The following CEP120 variants were observed in gnomAD, a reference collection of about 807,000 sequenced individuals.
CEP120 encodes the protein centrosomal protein of 120 kDa.
In CEP120, 113 loss-of-function variants were observed where a neutral mutation model predicts 126.5. The ratio of observed to expected loss-of-function variants is 0.89; its 90% CI spans 0.77 to 1.04. CEP120 has a LOEUF of 1.04. Among genes scored for constraint, CEP120 ranks in the 50% least tolerant of loss-of-function variants. CEP120 has a pLI of 0.00. For missense variants in CEP120, 1,230 were observed against 1,155.7 expected (o/e 1.06, Z -0.93); for synonymous variants, 400 against 394.3 (o/e 1.01, Z -0.17).
chr5:123,413,590 A>C (rs1262323326), intron 3 of CEP120, among the ~76,000 whole-genome samples: 1 of 152,064 alleles, frequency 6.6e-6, no homozygotes, highest in African/African-American at 2.4e-5. Flanking sequence ...TGGAAACAGC[A>C]TTTTTTACTC....
At chr5:123,392,445 C>T (rs972952589) in intron 6 of CEP120, among the ~76,000 whole-genome samples, 2 of 152,180 alleles carry the variant, frequency 1.3e-5, no homozygotes, top group African/African-American at 2.4e-5. Flanking sequence ...TACAACACCA[C>T]CCTATTTCAG....
At chr5:123,375,562 C>G (rs958370842) in intron 16 of CEP120, among the ~76,000 whole-genome samples, 8 of 144,926 alleles carry the variant, frequency 5.5e-5, no homozygotes, top group African/African-American at 2.0e-4. Context: ...GGCTCAAGCA[C>G]TCCTCCCACC....
chr5:123,348,244 GA>G (rs752148495), intron 19 of CEP120, among the ~76,000 whole-genome samples: 43 of 152,240 alleles, frequency 2.8e-4, no homozygotes, highest in Non-Finnish European at 5.0e-4. Context: ...AGTTCTCTCA[GA>G]ATCCTAATTT....
At chr5:123,382,694 A>G (rs1376799223) in intron 13 of CEP120, 43 bp downstream of exon 13, 1 of 1,559,932 alleles carries the variant, frequency 6.4e-7, no homozygotes, top group Non-Finnish European at 8.7e-7. Context: ...AAATATACAG[A>G]GCAGACAAAG....
At chr5:123,384,557 T>G (rs763053166) in intron 11 of CEP120, among the ~76,000 whole-genome samples, 3 of 152,102 alleles carry the variant, frequency 2.0e-5, no homozygotes, top group Non-Finnish European at 2.9e-5. Context: ...TAAAATATTT[T>G]AAGTGGAAAA....
intron 19 of CEP120, among the ~76,000 whole-genome samples, chr5:123,349,084 T>C (rs1394833386): frequency 6.6e-6 from 1 of 152,116 alleles, no homozygotes; most frequent in African/African-American, 2.4e-5. Flanking sequence ...CCAAAAAGAC[T>C]AGAATTCATT....
At chr5:123,354,012 A>G (rs555559316) in intron 18 of CEP120, among the ~76,000 whole-genome samples, 1 of 152,212 alleles carries the variant, frequency 6.6e-6, no homozygotes, top group African/African-American at 2.4e-5. Context: ...AGGAATATTT[A>G]GAGAGCAGAT....
In CEP120 at chr5:123,378,398, G is replaced by A. The variant is rs114280473; in HGVS notation, c.2134C>T (p.Leu712Phe). ...TCCAAGTCAATTAGAGTTTTTTGAA[G>A]TTTTCCTTCTAGAATAGTATATTCA... The part of the protein sequence containing the change: ...VAEYTILEGK[L>F]QKTLIDLEKR... The change falls in exon 15 of 20, where the codon CTT becomes TTT. Residue 712 changes from leucine (L) to phenylalanine (F), a missense_variant. By Grantham distance (22) the Leu-to-Phe change is conservative (BLOSUM62 0). Coordinates refer to ENST00000306467, the MANE Select transcript of CEP120 (RefSeq NM_001375405.1). 6,414 of 1,570,510 alleles carry A rather than the reference G, an allele frequency of 4.1e-3. 23 individuals are homozygous for A. The highest frequency in any genetic ancestry group is 4.4e-3 in the Non-Finnish European group (5,104 of 1,151,592).
At chr5:123,412,818 C>A (rs1774149333) in intron 3 of CEP120, among the ~76,000 whole-genome samples, 2 of 152,182 alleles carry the variant, frequency 1.3e-5, no homozygotes, top group Admixed American at 6.5e-5. Flanking sequence ...TAATATATTT[C>A]TTTCTACCTT....
chr5:123,413,639 A>C (rs1774208690), intron 3 of CEP120, among the ~76,000 whole-genome samples: 1 of 152,202 alleles, frequency 6.6e-6, no homozygotes, highest in African/African-American at 2.4e-5. Flanking sequence ...GATGGTGCTT[A>C]TATTGTCTTT....
chr5:123,390,207 T>G (rs1254399060), intron 7 of CEP120, 67 bp from the exon 8 acceptor site: 2 of 1,142,754 alleles, frequency 1.8e-6, no homozygotes, highest in Non-Finnish European at 2.5e-6. Flanking sequence ...GCAAAAAACT[T>G]GGCATTGTTT....
intron 4 of CEP120, chr5:123,401,444 A>C: frequency 7.5e-7 from 1 of 1,325,690 alleles, no homozygotes. Context: ...TGTGCACCGC[A>C]GGTTATCCCC....
intron 7 of CEP120, chr5:123,390,854 G>GT: frequency 2.9e-6 from 1 of 344,764 alleles, no homozygotes; most frequent in Non-Finnish European, 5.2e-6. Context: ...GGAGTTGGGG[G>GT]TGGGGGAGAC....
chr5:123,356,979 T>C (rs780920779), intron 18 of CEP120, among the ~76,000 whole-genome samples: 19 of 152,122 alleles, frequency 1.2e-4, no homozygotes, highest in Non-Finnish European at 2.6e-4. Context: ...TGCTTCAGAT[T>C]TGCCATGACA....
intron 4 of CEP120, among the ~76,000 whole-genome samples, chr5:123,405,720 C>T (rs1157958895): frequency 6.6e-6 from 1 of 152,156 alleles, no homozygotes; most frequent in Admixed American, 6.5e-5. Flanking sequence ...CCCTTCCTGA[C>T]TCCTGACCAC....
At chr5:123,395,593 A>C (rs1195966226) in intron 5 of CEP120, among the ~76,000 whole-genome samples, 2 of 152,088 alleles carry the variant, frequency 1.3e-5, no homozygotes, top group Admixed American at 1.3e-4. Flanking sequence ...ATGGAACCAC[A>C]CAATATGTGG....
chr5:123,413,918 A>AT (rs753301475), intron 3 of CEP120, among the ~76,000 whole-genome samples: 2 of 152,068 alleles, frequency 1.3e-5, no homozygotes, highest in African/African-American at 2.4e-5. Flanking sequence ...ATAAATCTGG[A>AT]TTTTTTTCTG....
At position 123,391,322 on chromosome 5, in the gene CEP120, C is replaced by T; in HGVS notation, c.826G>A (p.Gly276Arg). ...TCTGTACTTCCAAGTGACTGGTCTCCACAGCAGAGGTGAATCTAATATGAA... is the reference window on the plus strand; with the variant it reads ...TCTGTACTTCCAAGTGACTGGTCTCTACAGCAGAGGTGAATCTAATATGAA... ...QSKLQIHLCC[G>R]DQSLGSTEIP... Residue 276 changes from glycine (G) to arginine (R), a missense_variant, in exon 7 of 20, where the codon GGA becomes AGA. Gly to Arg is a moderately radical substitution (Grantham distance 125, BLOSUM62 -2). Coordinates refer to ENST00000306467, the MANE Select transcript of CEP120 (RefSeq NM_001375405.1). The T allele has an allele frequency of 6.2e-7, 1 of 1,613,396 alleles. No individual in the cohort carries two copies. The highest frequency in any genetic ancestry group is 1.3e-5 in the African/African-American group (1 of 74,994).
Position 123,423,087 on chromosome 5 carries a change from C to T in CEP120, c.-89G>A, listed in dbSNP as rs1426351444. The T allele has an allele frequency of 2.7e-6, 3 of 1,109,762 alleles. No individual in the cohort carries two copies. The highest frequency in any genetic ancestry group is 4.1e-6 in the Non-Finnish European group (3 of 731,612). 68.7% of individuals were successfully genotyped at this position (1,109,762 alleles called of 1,614,324 possible). A position where few individuals can be genotyped will look rare whatever the true frequency, so the allele number is the denominator to read the frequency against. Reference sequence around the variant, plus strand: ...GGTAATCCGGGACCCCCGGCGGGACCCCCACTGCCCGCCCCCGGTCCCTGA... The same window carrying T: ...GGTAATCCGGGACCCCCGGCGGGACTCCCACTGCCCGCCCCCGGTCCCTGA... On this transcript the variant is annotated 5_prime_UTR_variant, in exon 1 of 20. Transcript: ENST00000306467.
Sources: allele counts gnomAD v4.1 joint callset (sites outside exome capture counted in the v4.1 genomes callset), GRCh38; gene constraint gnomAD v4.1.1; transcripts MANE v1.5; gene names NCBI Gene and HGNC (gene_info 2026-07-23, HGNC 2026-07-21).